Variants in KCNK1 observed in about 807,000 individuals in gnomAD.
KCNK1 encodes potassium two pore domain channel subfamily K member 1.
In KCNK1, 10 loss-of-function variants were observed where a neutral mutation model predicts 22.2. The observed-to-expected ratio is 0.45, with a 90% confidence interval of 0.28 to 0.76. KCNK1 has a LOEUF of 0.76. KCNK1 is among the 30% of genes least tolerant of loss of function. The pLI is 0.14. For missense variants in KCNK1, 378 were observed against 421.0 expected (o/e 0.90, Z 0.89); for synonymous variants, 200 against 186.4 (o/e 1.07, Z -0.60).
At chr1:233,669,900 C>T (rs923075154) in intron 2 of KCNK1, among the ~76,000 whole-genome samples, 6 of 152,146 alleles carry the variant, frequency 3.9e-5, no homozygotes, top group Non-Finnish European at 5.9e-5. Flanking sequence ...ACTGAATGCA[C>T]GATATTGTTT....
chr1:233,660,937 G>A (rs1658381800), intron 1 of KCNK1, among the ~76,000 whole-genome samples: 1 of 152,048 alleles, frequency 6.6e-6, no homozygotes, highest in African/African-American at 2.4e-5. Flanking sequence ...GGCTCAACTT[G>A]TTATTTGTAT....
At chr1:233,631,358 C>T in intron 1 of KCNK1, 1 of 509,372 alleles carries the variant, frequency 2.0e-6, no homozygotes, top group East Asian at 5.6e-5. Flanking sequence ...CCCTGAGACA[C>T]AGAATTTAAT....
At position 233,614,355 on chromosome 1, in the gene KCNK1, C is replaced by A; in HGVS notation, c.184C>A (p.Arg62Ser). The change falls in exon 1 of 3, where the codon CGC becomes AGC. Residue 62 changes from arginine to serine, a missense_variant. By Grantham distance (110) the Arg-to-Ser change is moderately radical (BLOSUM62 -1). Coordinates refer to ENST00000366621, the MANE Select transcript of KCNK1 (RefSeq NM_002245.4). ...CCAGGAGCTGCGCAAGCTGAAGCGACGCTTCTTGGAGGAGCACGAGTGCCT... is the reference window on the plus strand; with the variant it reads ...CCAGGAGCTGCGCAAGCTGAAGCGAAGCTTCTTGGAGGAGCACGAGTGCCT... ...LRQELRKLKRRFLEEHECLSE... is the reference protein window; with the variant it reads ...LRQELRKLKRSFLEEHECLSE... The A allele has an allele frequency of 1.9e-6, 3 of 1,611,382 alleles. No homozygotes were observed.
chr1:233,638,543 A>G lies in KCNK1; in HGVS notation c.355+24017A>G, dbSNP rs528034789. ...TGCAGGGTAAACTGTGCTCTGCAGC[A>G]GCTTTGTGAAGCAAATCGTTGACCG... On this transcript the variant is annotated intron_variant, in intron 1 of 2. Coordinates refer to ENST00000366621, the MANE Select transcript of KCNK1 (RefSeq NM_002245.4). Among the ~76,000 whole-genome samples the G allele has an allele frequency of 2.0e-5, 3 of 152,290 alleles. No homozygotes were observed. The South Asian group carries it at 6.2e-4, about 32-fold the overall frequency.
chr1:233,665,643 G>A (rs1163315871), intron 1 of KCNK1, among the ~76,000 whole-genome samples: 1 of 146,970 alleles, frequency 6.8e-6, no homozygotes, highest in Non-Finnish European at 1.5e-5. Flanking sequence ...GTCGGGGCCA[G>A]GCAAGTGGTC....
intron 1 of KCNK1, among the ~76,000 whole-genome samples, chr1:233,622,848 T>G (rs996770385): frequency 1.3e-5 from 2 of 152,226 alleles, no homozygotes; most frequent in Non-Finnish European, 1.5e-5. Flanking sequence ...GGGAGTGTTT[T>G]TAATTTGCTA....
chr1:233,656,301 T>C (rs1362852704), intron 1 of KCNK1, among the ~76,000 whole-genome samples: 2 of 152,200 alleles, frequency 1.3e-5, no homozygotes, highest in African/African-American at 4.8e-5. Context: ...TATTGCTCTT[T>C]GAGAAGTTTC....
chr1:233,668,709 G>A (rs1485902465), intron 2 of KCNK1, among the ~76,000 whole-genome samples: 3 of 151,930 alleles, frequency 2.0e-5, no homozygotes, highest in Non-Finnish European at 2.9e-5. Flanking sequence ...GGGTTCAAGC[G>A]ATTCTCCTGC....
intron 2 of KCNK1, among the ~76,000 whole-genome samples, chr1:233,670,740 G>A (rs533322043): frequency 6.6e-6 from 1 of 152,274 alleles, no homozygotes; most frequent in Non-Finnish European, 1.5e-5. Flanking sequence ...AGATTTGGGT[G>A]GGGACACAGC....
intron 1 of KCNK1, among the ~76,000 whole-genome samples, chr1:233,665,183 C>G (rs1448535299): frequency 6.6e-6 from 1 of 152,004 alleles, no homozygotes; most frequent in Non-Finnish European, 1.5e-5. Context: ...CAGAAATGAC[C>G]GGGGGGTGGG....
chr1:233,665,272 G>A (rs1571905435), intron 1 of KCNK1, among the ~76,000 whole-genome samples: 1 of 152,302 alleles, frequency 6.6e-6, no homozygotes, highest in East Asian at 1.9e-4. Context: ...TCTCATGAGC[G>A]GTACAGAGTA....
intron 1 of KCNK1, among the ~76,000 whole-genome samples, chr1:233,659,210 T>G (rs1658349764): frequency 6.6e-6 from 1 of 151,150 alleles, no homozygotes; most frequent in Non-Finnish European, 1.5e-5. Flanking sequence ...ACTTTTTAGA[T>G]TTTTTTTGTT....
intron 1 of KCNK1, among the ~76,000 whole-genome samples, chr1:233,619,804 G>T (rs1269222692): frequency 6.6e-6 from 1 of 151,864 alleles, no homozygotes; most frequent in Non-Finnish European, 1.5e-5. Flanking sequence ...CAGCTACTCG[G>T]GAGGCTAAGG....
chr1:233,671,268 C>T lies in KCNK1; in HGVS notation c.752-3C>T, dbSNP rs199890728. The T allele has an allele frequency of 1.4e-5, 22 of 1,613,976 alleles. No homozygotes were observed. Among genetic ancestry groups the T allele is most frequent in the Non-Finnish European group, 1.9e-5 (22 of 1,179,826 alleles). On this transcript the variant is annotated splice_polypyrimidine_tract_variant and splice_region_variant and intron_variant, in intron 2 of 2. Transcript: ENST00000366621. ...CTAAGACAGTGTCCTGTTTCTCACA[C>T]AGGTTACCTGCTACTTGGCCTTATT...
chr1:233,646,207 T>A (rs1030333278), intron 1 of KCNK1, among the ~76,000 whole-genome samples: 4 of 151,918 alleles, frequency 2.6e-5, no homozygotes, highest in African/African-American at 9.7e-5. Flanking sequence ...AAGTTAGGAG[T>A]CATTTGTGTG....
At chr1:233,667,708 C>A (rs572114128) in intron 2 of KCNK1, among the ~76,000 whole-genome samples, 45 of 108,754 alleles carry the variant, frequency 4.1e-4, no homozygotes, top group African/African-American at 1.5e-3. Context: ...CCAGCCTGGG[C>A]GACAGAGCGA....
intron 1 of KCNK1, among the ~76,000 whole-genome samples, chr1:233,639,361 A>T (rs1266771564): frequency 6.6e-6 from 1 of 152,240 alleles, no homozygotes; most frequent in Non-Finnish European, 1.5e-5. Context: ...AACATTTCAA[A>T]TAGTTGGATA....
chr1:233,663,871 A>G (rs1183820586), intron 1 of KCNK1, among the ~76,000 whole-genome samples: 2 of 151,548 alleles, frequency 1.3e-5, no homozygotes, highest in African/African-American at 4.9e-5. Flanking sequence ...TCGCTGTGTC[A>G]CCCAGGCTGG....
intron 1 of KCNK1, among the ~76,000 whole-genome samples, chr1:233,614,738 A>G (rs3820135): frequency 0.044 from 6,747 of 151,952 alleles, 345 homozygotes; most frequent in East Asian, 0.21. Context: ...GTGACTCGGG[A>G]GGGCAAGCCC....
Sources: gnomAD v4.1 joint callset for allele counts (sites outside exome capture counted in the v4.1 genomes callset) on GRCh38, gnomAD v4.1.1 for gene constraint, MANE v1.5 for transcripts, NCBI Gene and HGNC (gene_info 2026-07-23, HGNC 2026-07-21) for gene names.